NUP153: variants seen among roughly 807,000 people sequenced by gnomAD.
NUP153 encodes the protein nucleoporin 153, also known as nuclear pore complex protein Nup153.
Under a neutral mutation model 134.6 loss-of-function variants are expected in NUP153, and 27 were observed. The observed-to-expected ratio is 0.20, with a 90% CI of 0.15 to 0.28. The LOEUF (loss-of-function observed/expected upper bound fraction) is 0.28. Ranked by LOEUF, NUP153 falls within the 10% of genes least tolerant of loss-of-function variation. The pLI is 1.00. For synonymous variants in NUP153, 640 were observed against 623.5 expected (o/e 1.03, Z -0.40); for missense variants, 1,821 against 1,731.3 (o/e 1.05, Z -0.92).
intron 5 of NUP153, among the ~76,000 whole-genome samples, chr6:17,674,383 A>G (rs1342729736): frequency 6.6e-6 from 1 of 152,250 alleles, no homozygotes; most frequent in Admixed American, 6.5e-5. Flanking sequence ...TCTAATACAT[A>G]AAACACTCAC....
At chr6:17,650,692 T>A (rs909634771) in intron 11 of NUP153, among the ~76,000 whole-genome samples, 27 of 141,066 alleles carry the variant, frequency 1.9e-4, no homozygotes, top group African/African-American at 6.4e-4. Flanking sequence ...TGAAAGGAAA[T>A]GTTACCAAAT....
intron 9 of NUP153, 115 bp downstream of exon 9, chr6:17,665,124 C>T: frequency 1.8e-6 from 1 of 562,208 alleles, no homozygotes; most frequent in South Asian, 3.6e-5. Flanking sequence ...CACTAATTCA[C>T]AACCTTTATG....
Position 17,641,001 on chromosome 6 carries a change from T to C in NUP153, c.1721-937A>G, listed in dbSNP as rs12207794. On this transcript the variant is annotated intron_variant, in intron 14 of 21. Coordinates refer to ENST00000262077, the MANE Select transcript of NUP153 (RefSeq NM_005124.4). ...TAGAATGTTTACATCTAAAGAGTAA[T>C]GGTAGCTGCTAGCAGTAAGATGAGT... is the stretch of plus-strand genomic sequence containing the variant. 8.9e-3 allele frequency among the ~76,000 whole-genome samples: 1,350 copies of C among 152,236 alleles called. 10 individuals are homozygous for C. Among genetic ancestry groups the C allele is most frequent in the Non-Finnish European group, 0.014 (937 of 68,012 alleles).
chr6:17,690,862 G>A (rs1419021378), intron 1 of NUP153, among the ~76,000 whole-genome samples: 3 of 152,078 alleles, frequency 2.0e-5, no homozygotes, highest in Non-Finnish European at 2.9e-5. Flanking sequence ...AAAGGTAGCC[G>A]GGCGTGGTGG....
intron 16 of NUP153, among the ~76,000 whole-genome samples, chr6:17,634,697 G>A (rs543998618): frequency 4.1e-4 from 63 of 152,256 alleles, no homozygotes; most frequent in African/African-American, 1.3e-3. Context: ...TCAGCCTCAC[G>A]AAGTGCTGGG....
At chr6:17,686,090 G>C (rs1339403819) in intron 2 of NUP153, among the ~76,000 whole-genome samples, 1 of 151,960 alleles carries the variant, frequency 6.6e-6, no homozygotes, top group African/African-American at 2.4e-5. Flanking sequence ...TGAGGTTGCA[G>C]TGAGCCATGA....
At chr6:17,640,351 A>G (rs1765774815) in intron 14 of NUP153, among the ~76,000 whole-genome samples, 1 of 152,224 alleles carries the variant, frequency 6.6e-6, no homozygotes, top group African/African-American at 2.4e-5. Context: ...CAATCAAACT[A>G]AAAAACTGGA....
chr6:17,688,894 AAT>A (rs1769110433), intron 1 of NUP153, among the ~76,000 whole-genome samples: 2 of 152,296 alleles, frequency 1.3e-5, no homozygotes, highest in South Asian at 2.1e-4. Flanking sequence ...TCAAATACTC[AAT>A]GTCGATTTTA....
At chr6:17,664,285 A>C (rs1054644074) in intron 9 of NUP153, among the ~76,000 whole-genome samples, 4 of 152,314 alleles carry the variant, frequency 2.6e-5, no homozygotes, top group African/African-American at 9.6e-5. Context: ...TTAACAGTTG[A>C]ACAACTCACA....
chr6:17,653,365 A>G (rs1429955033), intron 11 of NUP153, among the ~76,000 whole-genome samples: 1 of 152,236 alleles, frequency 6.6e-6, no homozygotes, highest in East Asian at 1.9e-4. Flanking sequence ...TAAAATTACA[A>G]TGAGATACCA....
Position 17,628,448 on chromosome 6 carries a change from T to C in NUP153, c.3544+207A>G, listed in dbSNP as rs2113771556. 6.6e-6 allele frequency among the ~76,000 whole-genome samples: 1 copy of C among 152,204 alleles called. No homozygotes were observed. Among genetic ancestry groups the C allele is most frequent in the African/African-American group, 2.4e-5 (1 of 41,532 alleles). On this transcript the variant is annotated intron_variant, in intron 18 of 21. Coordinates refer to ENST00000262077, the MANE Select transcript of NUP153 (RefSeq NM_005124.4). This position sits in a 1 kb window ranked among gnomAD's most constrained non-coding sequence, Gnocchi z 5.4. ...TACTGCTGTATTTCTCAAAATTAGA[T>C]CCACAGATGACTTCACCAGAATCAT...
rs1227725896 is a variant in NUP153 at position 17,706,904 on chromosome 6, T to C, written c.-517A>G. 1 of 156,258 alleles carries C rather than the reference T, an allele frequency of 6.4e-6. No homozygotes were observed. The highest frequency in any genetic ancestry group is 1.4e-5 in the Non-Finnish European group (1 of 70,224). 9.7% of individuals were successfully genotyped at this position (156,258 alleles called of 1,614,324 possible). On this transcript the variant is annotated 5_prime_UTR_variant, in exon 1 of 22. Coordinates refer to ENST00000262077, the MANE Select transcript of NUP153 (RefSeq NM_005124.4). The surrounding 1 kb of genome is among the most constrained non-coding windows in gnomAD (Gnocchi z 5.9). The stretch of plus-strand genomic sequence containing the variant: ...CGCCTATTACCCCTGCTAAGGCGGC[T>C]GCCGCGGTCGCGAGCCAGAATGTCG...
In NUP153 at chr6:17,615,996, G is replaced by A. The variant is rs1764293590; in HGVS notation, c.*101C>T. Reference sequence around the variant, plus strand: ...AATTCCAAAATTAAAGAAGTCCTTAGGCAGATCTGACTTCAGATAACCCCA... The same window carrying A: ...AATTCCAAAATTAAAGAAGTCCTTAAGCAGATCTGACTTCAGATAACCCCA... On this transcript the variant is annotated 3_prime_UTR_variant, in exon 22 of 22. Transcript: ENST00000262077. The surrounding 1 kb of genome is among the most constrained non-coding windows in gnomAD (Gnocchi z 5.7). The A allele has an allele frequency of 2.4e-6, 2 of 831,130 alleles. No individual in the cohort carries two copies. The highest frequency in any genetic ancestry group is 3.9e-6 in the Non-Finnish European group (2 of 511,224). The allele number at this position is 831,130 out of a possible 1,614,324, so 51.5% of individuals were successfully genotyped here. A position where few individuals can be genotyped will look rare whatever the true frequency, so the allele number is the denominator to read the frequency against.
chr6:17,638,784 C>G lies in NUP153; in HGVS notation c.1847-1014G>C, dbSNP rs12195526. On this transcript the variant is annotated intron_variant, in intron 15 of 21. Transcript: ENST00000262077. This position sits in a 1 kb window ranked among gnomAD's most constrained non-coding sequence, Gnocchi z 4.0. ...CCAGATACACAAGACAGACTATACA[C>G]ATTTGAGGCTTGCCTACTACTTGGT... Among the ~76,000 whole-genome samples the G allele has an allele frequency of 8.8e-3, 1,346 of 152,222 alleles. 10 individuals are homozygous for G. Among genetic ancestry groups the G allele is most frequent in the Non-Finnish European group, 0.014 (933 of 68,018 alleles).
intron 17 of NUP153, 38 bp downstream of exon 17, chr6:17,632,612 C>T: frequency 2.0e-6 from 3 of 1,522,888 alleles, no homozygotes; most frequent in Non-Finnish European, 1.8e-6. Flanking sequence ...CAAAAAGGCG[C>T]TTTACCATCA....
chr6:17,688,696 G>C, intron 1 of NUP153, 78 bp from the exon 2 acceptor site: 1 of 1,151,096 alleles, frequency 8.7e-7, no homozygotes. Context: ...CTGAAAGCCA[G>C]GCCAAGCAAA....
chr6:17,622,414 G>A (rs1288698632), intron 20 of NUP153, among the ~76,000 whole-genome samples: 11 of 152,266 alleles, frequency 7.2e-5, no homozygotes, highest in African/African-American at 2.6e-4. Flanking sequence ...GTAGTGAGCC[G>A]AGATTCCACC....
At chr6:17,690,699 C>A (rs1341789436) in intron 1 of NUP153, among the ~76,000 whole-genome samples, 1 of 152,038 alleles carries the variant, frequency 6.6e-6, no homozygotes, top group Non-Finnish European at 1.5e-5. Flanking sequence ...AAAAATGACT[C>A]AGTAGGTACA....
chr6:17,665,395 A>C lies in NUP153; in HGVS notation c.1069-10T>G, dbSNP rs907938376. 1.3e-6 allele frequency: 2 copies of C among 1,589,512 alleles called. No individual in the cohort carries two copies. The highest frequency in any genetic ancestry group is 2.7e-5 in the African/African-American group (2 of 73,550). On this transcript the variant is annotated splice_polypyrimidine_tract_variant and intron_variant, in intron 8 of 21. Coordinates refer to ENST00000262077, the MANE Select transcript of NUP153 (RefSeq NM_005124.4). ...GATATTGAGAATCCACCTTACAGGT[A>C]AAGAGAAATCAAAAACATTTATTTT... is the stretch of plus-strand genomic sequence containing the variant.
Sources: allele counts gnomAD v4.1 joint callset (sites outside exome capture counted in the v4.1 genomes callset), GRCh38; gene constraint gnomAD v4.1.1; non-coding constraint Gnocchi (gnomAD v3.1); transcripts MANE v1.5; gene names NCBI Gene and HGNC (gene_info 2026-07-23, HGNC 2026-07-21).